Variants in GCNT2 observed in about 807,000 individuals in gnomAD.
GCNT2 encodes the protein glucosaminyl (N-acetyl) transferase 2 (I blood group).
GCNT2 carries 34 observed loss-of-function variants against 34.2 expected under a neutral mutation model. The observed-to-expected ratio is 1.00, with a 90% confidence interval of 0.76 to 1.32. GCNT2 has a LOEUF of 1.32. GCNT2 is among the 40% of genes most tolerant of loss of function. The pLI is 0.00. For synonymous variants in GCNT2, 212 were observed against 188.0 expected, an observed-to-expected ratio of 1.13 and a Z score of -1.04; for missense variants, 584 against 489.4, an observed-to-expected ratio of 1.19 and a Z score of -1.82.
intron 3 of GCNT2, among the ~76,000 whole-genome samples, chr6:10,582,452 A>C (rs1274091089): frequency 1.6e-5 from 2 of 127,640 alleles, no homozygotes; most frequent in African/African-American, 6.1e-5. Context: ...ATTATATAAT[A>C]TATATAATAA....
In GCNT2 at chr6:10,627,425, C is replaced by T. The variant is rs982205922; in HGVS notation, c.*818C>T. Reference sequence around the variant, plus strand: ...TCTGGAACACTTTCCTCTTCTATGACCCCTCTCTCCCCAGTATTATCTTAC... The same window carrying T: ...TCTGGAACACTTTCCTCTTCTATGATCCCTCTCTCCCCAGTATTATCTTAC... On this transcript the variant is annotated 3_prime_UTR_variant, in exon 5 of 5. Transcript: ENST00000495262. 6.6e-6 allele frequency: 1 copy of T among 152,188 alleles called. No homozygotes were observed. The highest frequency in any genetic ancestry group is 2.4e-5 in the African/African-American group (1 of 41,422). The allele number at this position is 152,188 out of a possible 1,614,324, so 9.4% of individuals were successfully genotyped here.
intron 4 of GCNT2, among the ~76,000 whole-genome samples, chr6:10,625,678 C>A (rs1172881387): frequency 6.6e-6 from 1 of 152,112 alleles, no homozygotes; most frequent in Non-Finnish European, 1.5e-5. Flanking sequence ...CACTGTAGGA[C>A]TTCTCATCTG....
intron 3 of GCNT2, chr6:10,581,819 C>A (rs1764079856): frequency 1.0e-6 from 1 of 984,830 alleles, no homozygotes; most frequent in Non-Finnish European, 1.2e-6. Flanking sequence ...CTCCACAAGA[C>A]CTGCCAAGGA....
chr6:10,524,313 C>G (rs188609886), intron 1 of GCNT2, among the ~76,000 whole-genome samples: 5 of 150,304 alleles, frequency 3.3e-5, no homozygotes, highest in East Asian at 4.0e-4. Context: ...TGCGATGGCA[C>G]GATCTCGGCT....
intron 3 of GCNT2, among the ~76,000 whole-genome samples, chr6:10,553,711 T>C (rs1412770183): frequency 6.6e-6 from 1 of 152,184 alleles, no homozygotes; most frequent in African/African-American, 2.4e-5. Flanking sequence ...TTGGCCAACG[T>C]GGCGAAATCC....
At chr6:10,581,527 C>T (rs1276044402) in intron 3 of GCNT2, among the ~76,000 whole-genome samples, 1 of 152,174 alleles carries the variant, frequency 6.6e-6, no homozygotes, top group Admixed American at 6.5e-5. Flanking sequence ...TCCTTGGCCT[C>T]CCAAAATGCT....
chr6:10,605,797 G>C (rs991109046), intron 3 of GCNT2, among the ~76,000 whole-genome samples: 2 of 152,032 alleles, frequency 1.3e-5, no homozygotes, highest in Non-Finnish European at 2.9e-5. Flanking sequence ...AGATTTTCCT[G>C]GGAAAAAAAG....
chr6:10,550,202 C>T (rs939741622), intron 3 of GCNT2, among the ~76,000 whole-genome samples: 4 of 151,980 alleles, frequency 2.6e-5, no homozygotes, highest in African/African-American at 4.8e-5. Context: ...TACAGGTGCC[C>T]ACCACCATGC....
At chr6:10,550,267 T>G (rs1002751872) in intron 3 of GCNT2, among the ~76,000 whole-genome samples, 13 of 152,184 alleles carry the variant, frequency 8.5e-5, no homozygotes, top group African/African-American at 3.1e-4. Context: ...TTAGCCAGGC[T>G]GGTCTTGAAC....
intron 3 of GCNT2, among the ~76,000 whole-genome samples, chr6:10,601,943 G>GAAAAAAAA (rs57927445): frequency 6.2e-5 from 7 of 113,034 alleles, no homozygotes; most frequent in Non-Finnish European, 9.0e-5. Flanking sequence ...TCCATCTCAA[G>GAAAAAAAA]AAAAAAAAAA....
intron 3 of GCNT2, among the ~76,000 whole-genome samples, chr6:10,531,451 A>T (rs560743270): frequency 9.2e-4 from 140 of 152,332 alleles, no homozygotes; most frequent in African/African-American, 3.2e-3. Flanking sequence ...GCTTCTAAAA[A>T]TAACTAAGCC....
At chr6:10,571,403 G>C (rs1415643623) in intron 3 of GCNT2, among the ~76,000 whole-genome samples, 1 of 152,128 alleles carries the variant, frequency 6.6e-6, no homozygotes, top group African/African-American at 2.4e-5. Context: ...GCTGGATGGA[G>C]TGCAATGGTG....
At chr6:10,525,804 C>T (rs1581354435) in intron 1 of GCNT2, among the ~76,000 whole-genome samples, 1 of 152,106 alleles carries the variant, frequency 6.6e-6, no homozygotes, top group South Asian at 2.1e-4. Flanking sequence ...TACAAGTGTT[C>T]GTTACCCTGC....
At chr6:10,544,171 G>A (rs928461891) in intron 3 of GCNT2, among the ~76,000 whole-genome samples, 5 of 152,142 alleles carry the variant, frequency 3.3e-5, no homozygotes, top group South Asian at 4.2e-4. Flanking sequence ...AAAATTAGCC[G>A]GGCGTGGTGG....
intron 3 of GCNT2, among the ~76,000 whole-genome samples, chr6:10,609,089 T>A (rs1765444610): frequency 1.3e-5 from 2 of 152,234 alleles, no homozygotes; most frequent in South Asian, 4.1e-4. Flanking sequence ...CAAACAGGCC[T>A]ACCAATCAAA....
chr6:10,537,696 CGCAAAAAAAAAAA>C (rs1447150334), intron 3 of GCNT2, among the ~76,000 whole-genome samples: 6 of 70,200 alleles, frequency 8.5e-5, no homozygotes, highest in African/African-American at 1.2e-4. Context: ...GAGATTCTGC[CGCAAAAAAAAAAA>C]AAAAAAAAAA....
chr6:10,591,849 A>G (rs1764660866), intron 3 of GCNT2, among the ~76,000 whole-genome samples: 1 of 152,220 alleles, frequency 6.6e-6, no homozygotes, highest in South Asian at 2.1e-4. Context: ...AGCTCTCAAC[A>G]ACTGTAAACA....
chr6:10,528,728 A>C lies in GCNT2; in HGVS notation c.-184A>C. The C allele has an allele frequency of 1.6e-6, 1 of 629,548 alleles. No individual in the cohort carries two copies. Among genetic ancestry groups the C allele is most frequent in the East Asian group, 2.7e-5 (1 of 36,618 alleles). The allele number at this position is 629,548 out of a possible 1,614,324, so 39.0% of individuals were successfully genotyped here. Reference sequence around the variant, plus strand: ...AAAGTGAAAATGCAACCTAGTGGTAAGTGAAGAGGGGAAGAAGAAAGAAAA... The same window carrying C: ...AAAGTGAAAATGCAACCTAGTGGTACGTGAAGAGGGGAAGAAGAAAGAAAA... On this transcript the variant is annotated 5_prime_UTR_variant, in exon 3 of 5. Coordinates refer to ENST00000495262, the MANE Select transcript of GCNT2 (RefSeq NM_145649.5).
chr6:10,539,174 C>T (rs1178724889), intron 3 of GCNT2, among the ~76,000 whole-genome samples: 1 of 99,624 alleles, frequency 1.0e-5, no homozygotes, highest in African/African-American at 3.0e-5. Context: ...CTACAGCTCA[C>T]CGTCTCTTTT....
Sources: allele counts gnomAD v4.1 joint callset (sites outside exome capture counted in the v4.1 genomes callset), GRCh38; gene constraint gnomAD v4.1.1; transcripts MANE v1.5; gene names NCBI Gene and HGNC (gene_info 2026-07-23, HGNC 2026-07-21).